HTRA1: variants seen among roughly 807,000 people sequenced by gnomAD.
HTRA1 encodes serine protease HTRA1.
HTRA1 carries 26 observed loss-of-function variants against 49.7 expected under a neutral mutation model. The observed-to-expected ratio is 0.52, with a 90% CI of 0.38 to 0.73. The LOEUF (loss-of-function observed/expected upper bound fraction) is 0.73. Among genes scored for constraint, HTRA1 ranks in the 30% least tolerant of loss-of-function variants. The pLI is 0.00. For missense variants in HTRA1, 561 were observed against 667.2 expected (o/e 0.84, Z 1.75); for synonymous variants, 291 against 286.9 (o/e 1.01, Z -0.14).
chr10:122,489,417 T>G lies in HTRA1; in HGVS notation c.573-5T>G. 1 of 1,614,108 alleles carries G rather than the reference T, an allele frequency of 6.2e-7. No individual in the cohort carries two copies. Among genetic ancestry groups the G allele is most frequent in the Non-Finnish European group, 8.5e-7 (1 of 1,179,934 alleles). On this transcript the variant is annotated splice_region_variant and splice_polypyrimidine_tract_variant and intron_variant, in intron 2 of 8. Transcript: ENST00000368984. ...GGCTTAAGTGTGTACTCCTTTGGAT[T>G]TTAGGCTTCCGTTTTCTAAACGAGA...
At position 122,496,166 on chromosome 10, in the gene HTRA1, C is replaced by T. The variant is rs896257293; in HGVS notation, c.777+6540C>T. On this transcript the variant is annotated intron_variant, in intron 3 of 8. Transcript: ENST00000368984. Reference sequence around the variant, plus strand: ...CAAGCGAGGTGAAGCACTAGGTGGCCGCGGCGAGCAGGAAGAGAAGCTGAT... The same window carrying T: ...CAAGCGAGGTGAAGCACTAGGTGGCTGCGGCGAGCAGGAAGAGAAGCTGAT... Among the ~76,000 whole-genome samples the T allele has an allele frequency of 9.7e-5, 14 of 144,032 alleles. No homozygotes were observed. The East Asian group carries it at 2.1e-3, about 22-fold the overall frequency. 94.5% of individuals were successfully genotyped at this position (144,032 alleles called of 152,430 possible).
chr10:122,494,036 C>A lies in HTRA1; in HGVS notation c.777+4410C>A, dbSNP rs1448285748. Among the ~76,000 whole-genome samples, 1 of 152,174 alleles carries A rather than the reference C, an allele frequency of 6.6e-6. No individual in the cohort carries two copies. Among genetic ancestry groups the A allele is most frequent in the East Asian group, 1.9e-4 (1 of 5,186 alleles). ...ATTCTGCCTTAGACATCTCTCCCCA[C>A]CCCGCTGTGTGAGGTAGCGCCCCAT... On this transcript the variant is annotated intron_variant, in intron 3 of 8. Transcript: ENST00000368984. The surrounding 1 kb of genome is among the most constrained non-coding windows in gnomAD (Gnocchi z 4.0).
At chr10:122,491,941 A>G (rs1339796541) in intron 3 of HTRA1, among the ~76,000 whole-genome samples, 1 of 152,214 alleles carries the variant, frequency 6.6e-6, no homozygotes, top group Non-Finnish European at 1.5e-5. Context: ...GAAAGTAGGG[A>G]GAGTAACAGC....
intron 1 of HTRA1, among the ~76,000 whole-genome samples, chr10:122,483,148 C>T (rs952326831): frequency 3.4e-4 from 52 of 152,216 alleles, no homozygotes; most frequent in Middle Eastern, 3.4e-3. Context: ...ACACTGCCTA[C>T]GTCTGTTTTC....
In HTRA1 at chr10:122,464,668, T is replaced by C. The variant is rs1455339541; in HGVS notation, c.472+2544T>C. The stretch of plus-strand genomic sequence containing the variant: ...CTGGATCTCACACTCCACCCTTGAC[T>C]TTTCGGAGGTGTTTCCGAGGACAGG... On this transcript the variant is annotated intron_variant, in intron 1 of 8. Transcript: ENST00000368984. This position sits in a 1 kb window ranked among gnomAD's most constrained non-coding sequence, Gnocchi z 4.8. 6.6e-6 allele frequency among the ~76,000 whole-genome samples: 1 copy of C among 152,212 alleles called. No homozygotes were observed. Among genetic ancestry groups the C allele is most frequent in the Admixed American group, 6.5e-5 (1 of 15,286 alleles).
chr10:122,477,231 C>T (rs1810392), intron 1 of HTRA1, among the ~76,000 whole-genome samples: 110 of 152,088 alleles, frequency 7.2e-4, no homozygotes, highest in South Asian at 1.9e-3. Flanking sequence ...CCTCCCAAAG[C>T]GCTGGGATTA....
At chr10:122,468,420 A>G (rs1287555990) in intron 1 of HTRA1, among the ~76,000 whole-genome samples, 2 of 151,322 alleles carry the variant, frequency 1.3e-5, no homozygotes, top group Non-Finnish European at 2.9e-5. Flanking sequence ...CATCATCATC[A>G]TCATCATCAT....
In HTRA1 at chr10:122,506,428, T is replaced by C. The variant is rs2097503078; in HGVS notation, c.778-263T>C. On this transcript the variant is annotated intron_variant, in intron 3 of 8. Transcript: ENST00000368984. The surrounding 1 kb of genome is among the most constrained non-coding windows in gnomAD (Gnocchi z 5.2). ...ATGAGACCCCGACTTGGCCTCCAGT[T>C]ACCTCCCCACGGTTTCCTTGGTGTG... Among the ~76,000 whole-genome samples, 1 of 152,168 alleles carries C rather than the reference T, an allele frequency of 6.6e-6. No individual in the cohort carries two copies. The highest frequency in any genetic ancestry group is 2.1e-4 in the South Asian group (1 of 4,822).
rs111478215 is a variant in HTRA1, at chr10:122,464,624, G to T, written c.472+2500G>T. 3.3e-3 allele frequency among the ~76,000 whole-genome samples: 501 copies of T among 152,324 alleles called. 1 individual carries two copies. Among genetic ancestry groups the T allele is most frequent in the African/African-American group, 0.012 (481 of 41,560 alleles). ...CTGTTTTTCCTTAGTGGAAGGCACT[G>T]CTTTGCTGCGCCCCCTCTCTGGATC... On this transcript the variant is annotated intron_variant, in intron 1 of 8. Transcript: ENST00000368984. This position sits in a 1 kb window ranked among gnomAD's most constrained non-coding sequence, Gnocchi z 4.8.
At chr10:122,501,853 G>A (rs950771402) in intron 3 of HTRA1, among the ~76,000 whole-genome samples, 1 of 151,924 alleles carries the variant, frequency 6.6e-6, no homozygotes, top group Non-Finnish European at 1.5e-5. Flanking sequence ...TGATTGGATG[G>A]AGGGAAGGAA....
At chr10:122,507,640 G>A (rs1020864636) in intron 5 of HTRA1, among the ~76,000 whole-genome samples, 1 of 152,180 alleles carries the variant, frequency 6.6e-6, no homozygotes, top group Non-Finnish European at 1.5e-5. Flanking sequence ...GGTTGGAAAT[G>A]TTATGCCAGA....
Position 122,462,049 on chromosome 10 carries a change from C to T in HTRA1, c.397C>T (p.Arg133Cys). 2 of 1,533,536 alleles carry T rather than the reference C, an allele frequency of 1.3e-6. No individual in the cohort carries two copies. Among genetic ancestry groups the T allele is most frequent in the Non-Finnish European group, 1.7e-6 (2 of 1,146,486 alleles). 95.0% of individuals were successfully genotyped at this position (1,533,536 alleles called of 1,614,324 possible). ...CACCTACGCCAACCTGTGCCAGCTG[C>T]GCGCCGCCAGCCGCCGCTCCGAGAG... is the stretch of plus-strand genomic sequence containing the variant. Reference protein sequence around the residue: ...ANTYANLCQLRAASRRSERLH... With the variant: ...ANTYANLCQLCAASRRSERLH... The change falls in exon 1 of 9, where the codon CGC becomes TGC. Residue 133 changes from arginine to cysteine, a missense_variant. Physicochemically the swap from Arg to Cys is radical, Grantham distance 180 (BLOSUM62 -3). Transcript: ENST00000368984.
At chr10:122,504,699 C>T (rs889749554) in intron 3 of HTRA1, among the ~76,000 whole-genome samples, 1 of 152,232 alleles carries the variant, frequency 6.6e-6, no homozygotes. Flanking sequence ...CCAGCCCTGC[C>T]TCCTGCCCCG....
intron 1 of HTRA1, among the ~76,000 whole-genome samples, chr10:122,469,254 C>T (rs541805022): frequency 2.6e-5 from 4 of 152,098 alleles, no homozygotes; most frequent in African/African-American, 4.8e-5. Context: ...TGAGATTCGC[C>T]GTAGAATTCC....
In HTRA1 at chr10:122,461,715, G is replaced by T; in HGVS notation, c.63G>T (p.Ser21=). ...LLLLLLAAPA[S]AQLSRAGRSA... is the part of the protein sequence containing the mutation. Reference sequence around the variant, plus strand: ...TGCTGCTGCTGGCGGCGCCCGCCTCGGCGCAGCTGTCCCGGGCCGGCCGCT... The same window carrying T: ...TGCTGCTGCTGGCGGCGCCCGCCTCTGCGCAGCTGTCCCGGGCCGGCCGCT... The change falls in exon 1 of 9, where the codon TCG becomes TCT. Residue 21 remains serine, a synonymous_variant. Transcript: ENST00000368984. 7.7e-7 allele frequency: 1 copy of T among 1,290,888 alleles called. No individual in the cohort carries two copies. The highest frequency in any genetic ancestry group is 1.0e-6 in the Non-Finnish European group (1 of 1,003,344). The allele number at this position is 1,290,888 out of a possible 1,614,324, so 80.0% of individuals were successfully genotyped here.
At chr10:122,472,126 C>G (rs1270145994) in intron 1 of HTRA1, among the ~76,000 whole-genome samples, 14 of 151,958 alleles carry the variant, frequency 9.2e-5, no homozygotes, top group Admixed American at 9.2e-4. Context: ...GTCTTTTCAG[C>G]TGTGGTTAGA....
At chr10:122,483,556 G>A (rs2097491922) in intron 1 of HTRA1, among the ~76,000 whole-genome samples, 1 of 152,208 alleles carries the variant, frequency 6.6e-6, no homozygotes, top group South Asian at 2.1e-4. Flanking sequence ...ACTCTGGATT[G>A]TCTAGGCTCT....
At chr10:122,463,591 C>T (rs1486019006) in intron 1 of HTRA1, among the ~76,000 whole-genome samples, 1 of 152,194 alleles carries the variant, frequency 6.6e-6, no homozygotes, top group African/African-American at 2.4e-5. Context: ...CAGCCTCCGA[C>T]CCCTGGGCTC....
At chr10:122,480,341 G>T (rs777459430) in intron 1 of HTRA1, among the ~76,000 whole-genome samples, 1 of 97,228 alleles carries the variant, frequency 1.0e-5, no homozygotes, top group African/African-American at 3.5e-5. Flanking sequence ...ACATCAGGGC[G>T]GGCGAGGGCA....
Sources: allele counts gnomAD v4.1 joint callset (sites outside exome capture counted in the v4.1 genomes callset), GRCh38; gene constraint gnomAD v4.1.1; non-coding constraint Gnocchi (gnomAD v3.1); transcripts MANE v1.5; gene names NCBI Gene and HGNC (gene_info 2026-07-23, HGNC 2026-07-21).